Variants in EHMT1 observed in about 807,000 individuals in gnomAD.
EHMT1 encodes the protein euchromatic histone lysine methyltransferase 1, also known as histone-lysine N-methyltransferase EHMT1.
EHMT1 carries 15 observed loss-of-function variants against 147.2 expected under a neutral mutation model. That is an observed-to-expected ratio of 0.10 (90% confidence interval 0.07 to 0.16). The LOEUF (loss-of-function observed/expected upper bound fraction) is 0.16, where lower values mean the gene tolerates loss of function less well. Among genes scored for constraint, EHMT1 ranks in the 10% least tolerant of loss-of-function variants. The probability of loss-of-function intolerance (pLI) is 1.00; values close to 1 mark genes in which losing one functional copy is unlikely to be tolerated. For missense variants in EHMT1, 1,587 were observed against 1,772.4 expected, an observed-to-expected ratio of 0.90 and a Z score of 1.88; for synonymous variants, 795 against 709.6, an observed-to-expected ratio of 1.12 and a Z score of -1.91.
chr9:137,834,522 C>T lies in EHMT1; in HGVS notation c.3714C>T (p.Leu1238=), dbSNP rs756105431. ...STRLIEAGEQ[L]GFDYGERFWD... is the part of the protein sequence containing the mutation. ...GCCTGATCGAGGCCGGCGAGCAGCTCGGGTACGCACCGCCCCGGCCCCTGG... is the reference window on the plus strand; with the variant it reads ...GCCTGATCGAGGCCGGCGAGCAGCTTGGGTACGCACCGCCCCGGCCCCTGG... The change falls in exon 26 of 27, where the codon CTC becomes CTT. Residue 1238 remains leucine (L), a splice_region_variant and synonymous_variant. Coordinates refer to ENST00000460843, the MANE Select transcript of EHMT1 (RefSeq NM_024757.5). 3 of 1,610,238 alleles carry T rather than the reference C, an allele frequency of 1.9e-6. No homozygotes were observed. The highest frequency in any genetic ancestry group is 2.5e-6 in the Non-Finnish European group (3 of 1,179,650).
chr9:137,655,308 C>T (rs992093168), intron 1 of EHMT1, among the ~76,000 whole-genome samples: 7 of 152,290 alleles, frequency 4.6e-5, no homozygotes, highest in African/African-American at 1.7e-4. Context: ...TGAGCCACTG[C>T]GCCTGGCCGT....
intron 3 of EHMT1, among the ~76,000 whole-genome samples, chr9:137,717,991 G>A (rs376792455): frequency 6.6e-5 from 10 of 152,202 alleles, no homozygotes; most frequent in Non-Finnish European, 1.2e-4. Context: ...AATCCTGAGC[G>A]CTTCACACAC....
chr9:137,716,810 G>A lies in EHMT1; in HGVS notation c.270G>A (p.Arg90=), dbSNP rs759317436. The part of the protein sequence containing the change: ...NPQDGTNTLT[R]IAENGVSERD... Reference sequence around the variant, plus strand: ...AGGATGGCACCAACACACTAACTCGGATAGCGGAAAATGGGGTTTCAGAAA... The same window carrying A: ...AGGATGGCACCAACACACTAACTCGAATAGCGGAAAATGGGGTTTCAGAAA... Residue 90 remains arginine (R), a synonymous_variant, in exon 3 of 27, where the codon CGG becomes CGA. Transcript: ENST00000460843. The A allele has an allele frequency of 1.2e-6, 2 of 1,613,312 alleles. No homozygotes were observed. Among genetic ancestry groups the A allele is most frequent in the Admixed American group, 1.7e-5 (1 of 59,996 alleles).
At chr9:137,833,211 C>CT (rs1956343072) in intron 25 of EHMT1, among the ~76,000 whole-genome samples, 2 of 152,228 alleles carry the variant, frequency 1.3e-5, no homozygotes, top group South Asian at 4.1e-4. Flanking sequence ...GACCAGGTGT[C>CT]TCTGCCGGCA....
At chr9:137,788,409 G>A (rs1436398867) in intron 15 of EHMT1, 4 of 245,562 alleles carry the variant, frequency 1.6e-5, no homozygotes, top group Non-Finnish European at 1.6e-5. Context: ...GGTGTAAGGA[G>A]GTTGCAGGTT....
At chr9:137,820,673 A>C (rs1399119667) in intron 25 of EHMT1, among the ~76,000 whole-genome samples, 1 of 152,014 alleles carries the variant, frequency 6.6e-6, no homozygotes, top group African/African-American at 2.4e-5. Flanking sequence ...CTCAAGGTTT[A>C]TTTTTTTCCC....
intron 1 of EHMT1, among the ~76,000 whole-genome samples, chr9:137,632,588 G>C (rs367767167): frequency 1.3e-5 from 2 of 152,280 alleles, no homozygotes; most frequent in East Asian, 3.9e-4. Flanking sequence ...ATTTTTGGTA[G>C]AGACAGGGTT....
At chr9:137,807,867 T>C (rs1375750417) in intron 18 of EHMT1, among the ~76,000 whole-genome samples, 3 of 152,218 alleles carry the variant, frequency 2.0e-5, no homozygotes, top group Non-Finnish European at 4.4e-5. Flanking sequence ...GCCGGGCTTT[T>C]TGATTGACTG....
chr9:137,732,024 T>C lies in EHMT1; in HGVS notation c.823+3495T>C, dbSNP rs1947154721. Among the ~76,000 whole-genome samples, 3 of 151,652 alleles carry C rather than the reference T, an allele frequency of 2.0e-5. No individual in the cohort carries two copies. The highest frequency in any genetic ancestry group is 2.1e-4 in the South Asian group (1 of 4,788). On this transcript the variant is annotated intron_variant, in intron 4 of 26. Transcript: ENST00000460843. The surrounding 1 kb of genome is among the most constrained non-coding windows in gnomAD (Gnocchi z 4.6). The stretch of plus-strand genomic sequence containing the variant: ...GCCCCAAGGGGATAGGGTGGGAGAG[T>C]GTGCTATAGCTCTCTTGCTGTCACC...
At chr9:137,809,136 C>A (rs555865092) in intron 18 of EHMT1, among the ~76,000 whole-genome samples, 8 of 152,306 alleles carry the variant, frequency 5.3e-5, no homozygotes, top group Admixed American at 1.3e-4. Flanking sequence ...ACACGGAGTT[C>A]GCTTTTAGTT....
At chr9:137,649,675 G>A (rs1322327165) in intron 1 of EHMT1, among the ~76,000 whole-genome samples, 1 of 152,104 alleles carries the variant, frequency 6.6e-6, no homozygotes, top group South Asian at 2.1e-4. Flanking sequence ...CCACAGCAGC[G>A]GAGGCAGAGG....
chr9:137,817,393 A>G, intron 23 of EHMT1, 46 bp from the exon 24 acceptor site: 2 of 1,609,946 alleles, frequency 1.2e-6, no homozygotes, highest in African/African-American at 1.3e-5. Context: ...TTGTGGCAAC[A>G]GGCTGAGGCT....
At chr9:137,768,347 G>GTTTTTTTTTT (rs768762232) in intron 10 of EHMT1, among the ~76,000 whole-genome samples, 3 of 92,512 alleles carry the variant, frequency 3.2e-5, no homozygotes, top group Admixed American at 1.4e-4. Context: ...TTTTCTGTGT[G>GTTTTTTTTTT]TTTTTTTTTT....
rs1394861264 is a variant in EHMT1 at position 137,732,197 on chromosome 9, A to G, written c.823+3668A>G. On this transcript the variant is annotated intron_variant, in intron 4 of 26. Transcript: ENST00000460843. The surrounding 1 kb of genome is among the most constrained non-coding windows in gnomAD (Gnocchi z 4.6). ...CACCAGCGGAGGGCAGGAGGGCTAC[A>G]GTGTTACAGCTCTGGCTTGAGGAAT... Among the ~76,000 whole-genome samples, 5 of 152,214 alleles carry G rather than the reference A, an allele frequency of 3.3e-5. No individual in the cohort carries two copies. The highest frequency in any genetic ancestry group is 7.3e-5 in the Non-Finnish European group (5 of 68,030).
rs144533786 is a variant in EHMT1 at position 137,680,602 on chromosome 9, C to A, written c.22-30365C>A. Among the ~76,000 whole-genome samples, 439 of 152,352 alleles carry A rather than the reference C, an allele frequency of 2.9e-3. 4 individuals carry two copies. Among genetic ancestry groups the A allele is most frequent in the African/African-American group, 0.01 (421 of 41,578 alleles). Reference sequence around the variant, plus strand: ...TTCTGTGTGAGATACCAGTGTTTTTCATCAGTACTGTTTGTCCATTGTGAG... The same window carrying A: ...TTCTGTGTGAGATACCAGTGTTTTTAATCAGTACTGTTTGTCCATTGTGAG... On this transcript the variant is annotated intron_variant, in intron 1 of 26. Transcript: ENST00000460843.
intron 1 of EHMT1, chr9:137,641,137 G>T: frequency 5.4e-6 from 2 of 369,192 alleles, no homozygotes; most frequent in East Asian, 7.2e-5. Context: ...TATGGTCTTT[G>T]CTGACCTCTC....
chr9:137,646,644 CTGT>C (rs1844911242), intron 1 of EHMT1, among the ~76,000 whole-genome samples: 1 of 152,190 alleles, frequency 6.6e-6, no homozygotes, highest in Non-Finnish European at 1.5e-5. Context: ...TGGCGCAGTT[CTGT>C]TGTTTTCACA....
intron 1 of EHMT1, among the ~76,000 whole-genome samples, chr9:137,701,920 A>C (rs1943870851): frequency 6.6e-6 from 1 of 152,046 alleles, no homozygotes; most frequent in African/African-American, 2.4e-5. Context: ...GAGCCTCTCA[A>C]GTAGCTGGGA....
At position 137,786,097 on chromosome 9, in the gene EHMT1, G is replaced by A. The variant is rs1455964546; in HGVS notation, c.2382+3700G>A. On this transcript the variant is annotated intron_variant, in intron 15 of 26. Coordinates refer to ENST00000460843, the MANE Select transcript of EHMT1 (RefSeq NM_024757.5). The surrounding 1 kb of genome is among the most constrained non-coding windows in gnomAD (Gnocchi z 4.3). ...GAAACGTCGTCTTTGGGGAGGCCGAGTGAGGGGAGTACAGAGCTCTTCGTT... is the reference window on the plus strand; with the variant it reads ...GAAACGTCGTCTTTGGGGAGGCCGAATGAGGGGAGTACAGAGCTCTTCGTT... The A allele has an allele frequency of 6.6e-6, 1 of 152,422 alleles. No individual in the cohort carries two copies. Among genetic ancestry groups the A allele is most frequent in the African/African-American group, 2.4e-5 (1 of 41,472 alleles). The allele number at this position is 152,422 out of a possible 1,614,324, so 9.4% of individuals were successfully genotyped here.
Sources: gnomAD v4.1 joint callset for allele counts (sites outside exome capture counted in the v4.1 genomes callset) on GRCh38, gnomAD v4.1.1 for gene constraint, Gnocchi (gnomAD v3.1) non-coding constraint, MANE v1.5 for transcripts, NCBI Gene and HGNC (gene_info 2026-07-23, HGNC 2026-07-21) for gene names.